Variants in BAZ2B observed in about 807,000 individuals in gnomAD.
The protein encoded by BAZ2B is bromodomain adjacent to zinc finger domain protein 2B.
A neutral mutation model predicts 246.0 loss-of-function variants in BAZ2B; 91 were observed. That is an observed-to-expected ratio of 0.37 (90% CI 0.31 to 0.44). The LOEUF (loss-of-function observed/expected upper bound fraction) is 0.44. Ranked by LOEUF, BAZ2B falls within the 20% of genes least tolerant of loss-of-function variation. The pLI, the probability that BAZ2B is intolerant of heterozygous loss-of-function variation, is 1.00. For missense variants in BAZ2B, 2,332 were observed against 2,533.7 expected, an observed-to-expected ratio of 0.92 and a Z score of 1.71; for synonymous variants, 855 against 860.0, an observed-to-expected ratio of 0.99 and a Z score of 0.10.
the BAZ2B span, among the ~76,000 whole-genome samples, chr2:159,692,921 T>C: frequency 6.6e-6 from 1 of 152,096 alleles, no homozygotes; most frequent in Non-Finnish European, 1.5e-5. Context: ...CCATCCTCCT[T>C]TCTCAGTTTC....
intron 2 of BAZ2B, among the ~76,000 whole-genome samples, chr2:159,492,847 T>C (rs543211912): frequency 1.3e-5 from 2 of 152,358 alleles, no homozygotes; most frequent in East Asian, 1.9e-4. Context: ...CTCAGAATTA[T>C]AGTATTTTTG....
intron 1 of BAZ2B, among the ~76,000 whole-genome samples, chr2:159,609,335 T>G (rs1411841610): frequency 6.6e-6 from 1 of 152,218 alleles, no homozygotes; most frequent in Non-Finnish European, 1.5e-5. Flanking sequence ...ATTAGCATTA[T>G]TCTAATCCAG....
At chr2:159,627,693 T>C in the BAZ2B span, among the ~76,000 whole-genome samples, 140,521 of 152,176 alleles carry the variant, frequency 0.92, 65,381 homozygotes, top group East Asian at 1. Context: ...CTATTTAAGA[T>C]AAACCCACAA....
chr2:159,587,846 C>T (rs1688395886), intron 1 of BAZ2B, among the ~76,000 whole-genome samples: 1 of 152,120 alleles, frequency 6.6e-6, no homozygotes, highest in African/African-American at 2.4e-5. Flanking sequence ...ATAGTAGTTG[C>T]TCAATGCTGC....
chr2:159,666,285 G>A, the BAZ2B span, among the ~76,000 whole-genome samples: 1 of 132,044 alleles, frequency 7.6e-6, no homozygotes, highest in African/African-American at 2.9e-5. Flanking sequence ...TTTGAGACAG[G>A]GTCTCGCTCT....
chr2:159,337,400 G>A, intron 32 of BAZ2B, 167 bp downstream of exon 32: 1 of 1,441,740 alleles, frequency 6.9e-7, no homozygotes, highest in Non-Finnish European at 9.4e-7. Context: ...ACAGGCAATA[G>A]AAAATAGGCT....
chr2:159,416,309 G>A (rs746260555), intron 13 of BAZ2B, among the ~76,000 whole-genome samples: 4 of 152,066 alleles, frequency 2.6e-5, no homozygotes, highest in African/African-American at 4.8e-5. Context: ...AGGAACAATA[G>A]TTGTACAAAG....
intron 1 of BAZ2B, among the ~76,000 whole-genome samples, chr2:159,597,474 A>G (rs1384272334): frequency 1.3e-5 from 2 of 152,232 alleles, no homozygotes; most frequent in African/African-American, 4.8e-5. Flanking sequence ...TTGATCATCT[A>G]AAGAAACAAA....
intron 36 of BAZ2B, among the ~76,000 whole-genome samples, chr2:159,324,538 T>C (rs919286228): frequency 6.6e-6 from 1 of 151,920 alleles, no homozygotes; most frequent in Admixed American, 6.6e-5. Context: ...GCTCTTTCAA[T>C]GTCAAAAGCA....
chr2:159,653,272 A>G, the BAZ2B span, among the ~76,000 whole-genome samples: 3 of 152,102 alleles, frequency 2.0e-5, no homozygotes, highest in Admixed American at 1.3e-4. Context: ...CTCCCACAGC[A>G]CCTTTTTATT....
upstream of BAZ2B, among the ~76,000 whole-genome samples, chr2:159,618,729 G>C (rs1696312230): frequency 1.3e-5 from 2 of 152,064 alleles, no homozygotes; most frequent in African/African-American, 4.8e-5. Flanking sequence ...TAGCATTACT[G>C]TTGAAAATAT....
chr2:159,698,539 A>G, the BAZ2B span, among the ~76,000 whole-genome samples: 9 of 146,868 alleles, frequency 6.1e-5, no homozygotes, highest in Admixed American at 5.3e-4. Flanking sequence ...CAAAAAAAAC[A>G]AAGAAAAAGA....
chr2:159,413,286 A>C (rs1039173245), intron 13 of BAZ2B, among the ~76,000 whole-genome samples: 1 of 152,256 alleles, frequency 6.6e-6, no homozygotes, highest in Non-Finnish European at 1.5e-5. Flanking sequence ...TAAATGACCT[A>C]GTTTCTTCAA....
chr2:159,604,773 A>C (rs1365837379), intron 1 of BAZ2B, among the ~76,000 whole-genome samples: 1 of 152,236 alleles, frequency 6.6e-6, no homozygotes, highest in Non-Finnish European at 1.5e-5. Flanking sequence ...ATAGGCATAA[A>C]AGGACAGTTT....
Position 159,433,136 on chromosome 2 carries a change from T to C in BAZ2B, c.1521A>G (p.Leu507=), listed in dbSNP as rs372369460. 1.9e-6 allele frequency: 3 copies of C among 1,614,104 alleles called. No homozygotes were observed. The African/African-American group carries it at 4.0e-5, about 22-fold the overall frequency. ...VIQSVIQEAP[L]ALTTKTKMQS... ...GCATTTTAGTTTTGGTAGTAAGTGC[T>C]AGAGGAGCTTCTTGAATGACACTTT... The change falls in exon 9 of 37, where the codon CTA becomes CTG. Residue 507 remains leucine (L), a synonymous_variant. Transcript: ENST00000392783.
chr2:159,429,246 T>C lies in BAZ2B; in HGVS notation c.2209A>G (p.Arg737Gly). 1 of 1,548,440 alleles carries C rather than the reference T, an allele frequency of 6.5e-7. No individual in the cohort carries two copies. Among genetic ancestry groups the C allele is most frequent in the South Asian group, 1.3e-5 (1 of 76,922 alleles). Residue 737 changes from arginine to glycine, a missense_variant, in exon 11 of 37, where the codon AGA (arginine) becomes GGA (glycine). Physicochemically the swap from Arg to Gly is moderately radical, Grantham distance 125. Coordinates refer to ENST00000392783, the MANE Select transcript of BAZ2B (RefSeq NM_013450.4). The stretch of plus-strand genomic sequence containing the variant: ...AGTTCACGTTCATCTGTTACTCTTC[T>C]TCTTTTGGAAGTGCCTTTAAAAAAA... ...SSPHSGTSKRRRVTDERELRI... is the reference protein window; with the variant it reads ...SSPHSGTSKRGRVTDERELRI...
the BAZ2B span, among the ~76,000 whole-genome samples, chr2:159,690,834 A>T: frequency 6.6e-6 from 1 of 151,520 alleles, no homozygotes; most frequent in African/African-American, 2.4e-5. Flanking sequence ...CTGCAAATAG[A>T]GATAGTTTTA....
At chr2:159,604,238 A>T (rs981315500) in intron 1 of BAZ2B, among the ~76,000 whole-genome samples, 2 of 152,072 alleles carry the variant, frequency 1.3e-5, no homozygotes, top group Non-Finnish European at 2.9e-5. Context: ...TATATTCTCA[A>T]ATAGTTTTTT....
chr2:159,413,365 C>A (rs372773842), intron 13 of BAZ2B, among the ~76,000 whole-genome samples: 13 of 152,060 alleles, frequency 8.5e-5, no homozygotes, highest in African/African-American at 2.9e-4. Flanking sequence ...TCAAACAAGC[C>A]CAATTTGTGG....
Sources: allele counts gnomAD v4.1 joint callset (sites outside exome capture counted in the v4.1 genomes callset), GRCh38; gene constraint gnomAD v4.1.1; transcripts MANE v1.5; gene names NCBI Gene and HGNC (gene_info 2026-07-23, HGNC 2026-07-21).